Variants in PDE4B observed in about 807,000 individuals in gnomAD.
The protein encoded by PDE4B is 3',5'-cyclic-AMP phosphodiesterase 4B.
A neutral mutation model predicts 82.2 loss-of-function variants in PDE4B; 20 were observed. The observed-to-expected ratio is 0.24, with a 90% CI of 0.17 to 0.35. The LOEUF (loss-of-function observed/expected upper bound fraction) is 0.35. Among genes scored for constraint, PDE4B ranks in the 10% least tolerant of loss-of-function variants. The probability of loss-of-function intolerance (pLI) is 1.00; values close to 1 mark genes in which losing one functional copy is unlikely to be tolerated. For missense variants in PDE4B, 655 were observed against 907.2 expected (o/e 0.72, Z 3.57); for synonymous variants, 320 against 318.9 (o/e 1.00, Z -0.04).
chr1:66,249,441 C>A (rs907850727), intron 4 of PDE4B, among the ~76,000 whole-genome samples: 2 of 152,152 alleles, frequency 1.3e-5, no homozygotes, highest in Non-Finnish European at 2.9e-5. Flanking sequence ...CATTCAGAGT[C>A]GCCCCAGAAA....
intron 1 of PDE4B, among the ~76,000 whole-genome samples, chr1:65,910,967 T>A (rs1347274543): frequency 6.6e-6 from 1 of 152,166 alleles, no homozygotes. Context: ...TATATTGACT[T>A]TTTTCCCTAA....
chr1:65,818,968 T>C (rs115320585), intron 1 of PDE4B, among the ~76,000 whole-genome samples: 1,557 of 152,226 alleles, frequency 0.01, 25 homozygotes, highest in African/African-American at 0.034. Context: ...ACATAGTTTG[T>C]TTCTCACTCA....
At chr1:66,112,032 A>G (rs757937753) in intron 3 of PDE4B, among the ~76,000 whole-genome samples, 1 of 152,120 alleles carries the variant, frequency 6.6e-6, no homozygotes, top group Non-Finnish European at 1.5e-5. Flanking sequence ...GATGAAGATG[A>G]ACAAAATTAC....
At chr1:66,364,096 C>T (rs529241037) in intron 12 of PDE4B, among the ~76,000 whole-genome samples, 6 of 152,016 alleles carry the variant, frequency 3.9e-5, no homozygotes, top group Non-Finnish European at 7.4e-5. Flanking sequence ...GTTCAGTGTC[C>T]GGTAAATAGT....
intron 3 of PDE4B, among the ~76,000 whole-genome samples, chr1:66,118,572 G>T (rs558662890): frequency 6.6e-6 from 1 of 152,002 alleles, no homozygotes; most frequent in African/African-American, 2.4e-5. Context: ...GTTGTGGGGT[G>T]GGGGGAAGGG....
chr1:66,080,668 A>G lies in PDE4B; in HGVS notation c.281+161833A>G, dbSNP rs553538195. ...CAACATCAAGGTGTCACCATGTGTTACAGGTACACTCTGGCCTTCTTATCG... is the reference window on the plus strand; with the variant it reads ...CAACATCAAGGTGTCACCATGTGTTGCAGGTACACTCTGGCCTTCTTATCG... On this transcript the variant is annotated intron_variant, in intron 3 of 16. Coordinates refer to ENST00000341517, the MANE Select transcript of PDE4B (RefSeq NM_002600.4). Among the ~76,000 whole-genome samples, 428 of 152,310 alleles carry G rather than the reference A, an allele frequency of 2.8e-3. 1 individual carries two copies. Among genetic ancestry groups the G allele is most frequent in the Non-Finnish European group, 5.2e-3 (354 of 68,018 alleles).
At chr1:65,953,673 T>A (rs1649113256) in intron 3 of PDE4B, among the ~76,000 whole-genome samples, 1 of 152,134 alleles carries the variant, frequency 6.6e-6, no homozygotes. Flanking sequence ...AGTCATAAAG[T>A]TGCAGCAATT....
At chr1:65,869,616 G>T (rs929882091) in intron 1 of PDE4B, among the ~76,000 whole-genome samples, 1 of 151,906 alleles carries the variant, frequency 6.6e-6, no homozygotes, top group Non-Finnish European at 1.5e-5. Flanking sequence ...ATTCAGGAGG[G>T]TTAGAATTCC....
At chr1:65,973,024 C>T (rs1650225833) in intron 3 of PDE4B, among the ~76,000 whole-genome samples, 1 of 152,162 alleles carries the variant, frequency 6.6e-6, no homozygotes, top group South Asian at 2.1e-4. Context: ...CAAATCTATC[C>T]ATTCTGTTTG....
intron 3 of PDE4B, among the ~76,000 whole-genome samples, chr1:66,186,328 G>T (rs1193458066): frequency 6.6e-6 from 1 of 151,944 alleles, no homozygotes; most frequent in Non-Finnish European, 1.5e-5. Flanking sequence ...GCCCTTTTTT[G>T]GTTCCATATG....
chr1:66,265,888 C>G, intron 6 of PDE4B, 150 bp from the exon 7 acceptor site: 1 of 656,868 alleles, frequency 1.5e-6, no homozygotes, highest in Non-Finnish European at 2.8e-6. Flanking sequence ...ACCCGGGTTA[C>G]AGGAGCTTGC....
At chr1:66,371,116 AT>A (rs1448166472) in intron 16 of PDE4B, among the ~76,000 whole-genome samples, 74 of 138,318 alleles carry the variant, frequency 5.3e-4, no homozygotes, top group African/African-American at 1.9e-3. Flanking sequence ...ATATATATAT[AT>A]ATATATATAT....
chr1:66,283,352 A>G (rs969922850), intron 7 of PDE4B, among the ~76,000 whole-genome samples: 9 of 150,474 alleles, frequency 6.0e-5, no homozygotes, highest in Admixed American at 5.3e-4. Context: ...TATTGTTACT[A>G]TTATATATAT....
At chr1:66,141,990 G>C (rs116053704) in intron 3 of PDE4B, among the ~76,000 whole-genome samples, 1 of 152,006 alleles carries the variant, frequency 6.6e-6, no homozygotes, top group Non-Finnish European at 1.5e-5. Context: ...CAGAAGCCTC[G>C]CAGGTAACAT....
intron 3 of PDE4B, among the ~76,000 whole-genome samples, chr1:66,186,742 A>T (rs1373230228): frequency 6.6e-6 from 1 of 152,164 alleles, no homozygotes; most frequent in Non-Finnish European, 1.5e-5. Flanking sequence ...GGCTGAGACC[A>T]TGGGGTTTTC....
chr1:66,372,503 A>G lies in PDE4B; in HGVS notation c.2036A>G (p.Gln679Arg). The change falls in exon 17 of 17, where the codon CAG becomes CGG. Residue 679 changes from glutamine to arginine, a missense_variant. Physicochemically the swap from Gln to Arg is conservative, Grantham distance 43. Coordinates refer to ENST00000341517, the MANE Select transcript of PDE4B (RefSeq NM_002600.4). The stretch of plus-strand genomic sequence containing the variant: ...TGCCAGGGTCTGATGGAGAAGTTTC[A>G]GTTTGAACTGACTCTCGATGAGGAA... Reference protein sequence around the residue: ...RDCQGLMEKFQFELTLDEEDS... With the variant: ...RDCQGLMEKFRFELTLDEEDS... 1.2e-6 allele frequency: 2 copies of G among 1,614,142 alleles called. No individual in the cohort carries two copies.
At chr1:66,034,157 C>T (rs1156681492) in intron 3 of PDE4B, among the ~76,000 whole-genome samples, 1 of 152,162 alleles carries the variant, frequency 6.6e-6, no homozygotes, top group Non-Finnish European at 1.5e-5. Flanking sequence ...AGTGAGCTTT[C>T]TCTCTCTCTT....
intron 3 of PDE4B, among the ~76,000 whole-genome samples, chr1:66,138,317 G>A (rs924653604): frequency 1.6e-4 from 24 of 152,172 alleles, no homozygotes; most frequent in Non-Finnish European, 2.6e-4. Flanking sequence ...TCAGGAGTTC[G>A]AGATGAGCCT....
intron 3 of PDE4B, among the ~76,000 whole-genome samples, chr1:66,049,559 A>T (rs72918251): frequency 2.6e-5 from 4 of 152,046 alleles, no homozygotes. Flanking sequence ...TTTAATATTT[A>T]AAAACATGAA....
Sources: gnomAD v4.1 joint callset for allele counts (sites outside exome capture counted in the v4.1 genomes callset) on GRCh38, gnomAD v4.1.1 for gene constraint, MANE v1.5 for transcripts, NCBI Gene and HGNC (gene_info 2026-07-23, HGNC 2026-07-21) for gene names.